The following ASTN2 variants were observed in gnomAD, a reference collection of about 807,000 sequenced individuals.
ASTN2 encodes the protein astrotactin-2.
A neutral mutation model predicts 139.8 loss-of-function variants in ASTN2; 54 were observed. That is an observed-to-expected ratio of 0.39 (90% CI 0.31 to 0.48). The LOEUF (loss-of-function observed/expected upper bound fraction) is 0.48, where lower values mean the gene tolerates loss of function less well. Among genes scored for constraint, ASTN2 ranks in the 20% least tolerant of loss-of-function variants. The pLI, the probability that ASTN2 is intolerant of heterozygous loss-of-function variation, is 0.95. For synonymous variants in ASTN2, 756 were observed against 719.5 expected (o/e 1.05, Z -0.81); for missense variants, 1,565 against 1,725.1 (o/e 0.91, Z 1.64).
chr9:117,170,391 AT>A (rs1830763904), intron 3 of ASTN2, among the ~76,000 whole-genome samples: 1 of 152,096 alleles, frequency 6.6e-6, no homozygotes, highest in Non-Finnish European at 1.5e-5. Flanking sequence ...ATTAATATTG[AT>A]TGAGCACCTG....
chr9:117,145,351 T>G (rs1363599673), intron 3 of ASTN2, among the ~76,000 whole-genome samples: 1 of 152,212 alleles, frequency 6.6e-6, no homozygotes, highest in Non-Finnish European at 1.5e-5. Flanking sequence ...TAGCTTGTGC[T>G]GGCTGTTCTC....
chr9:117,181,018 C>T lies in ASTN2; in HGVS notation c.1015+33340G>A. The T allele has an allele frequency of 1.9e-6, 3 of 1,587,858 alleles. No individual in the cohort carries two copies. The South Asian group carries it at 3.3e-5, about 17-fold the overall frequency. ...GGCACCTCGCATGCCTGTTTGGAGC[C>T]TGCACTGGGGTAGCGCAAGGTCAGA... is the stretch of plus-strand genomic sequence containing the variant. On this transcript the variant is annotated intron_variant, in intron 3 of 22. Coordinates refer to ENST00000313400, the MANE Select transcript of ASTN2 (RefSeq NM_001365068.1).
intron 10 of ASTN2, among the ~76,000 whole-genome samples, chr9:116,943,769 G>T (rs1835302152): frequency 6.6e-6 from 1 of 152,184 alleles, no homozygotes; most frequent in African/African-American, 2.4e-5. Context: ...TGCATGGCCA[G>T]CATGTTCCAT....
intron 10 of ASTN2, among the ~76,000 whole-genome samples, chr9:116,943,605 C>CA (rs1835297764): frequency 6.6e-6 from 1 of 152,124 alleles, no homozygotes; most frequent in Non-Finnish European, 1.5e-5. Context: ...GTTCTGGATG[C>CA]ATGTAGGATT....
chr9:117,285,983 G>T (rs114542243), intron 2 of ASTN2, among the ~76,000 whole-genome samples: 1 of 151,924 alleles, frequency 6.6e-6, no homozygotes, highest in Non-Finnish European at 1.5e-5. Flanking sequence ...AAACAAAAGC[G>T]CCAAGATAAA....
At chr9:117,216,215 T>A (rs189420786) in intron 2 of ASTN2, among the ~76,000 whole-genome samples, 211 of 152,330 alleles carry the variant, frequency 1.4e-3, no homozygotes, top group African/African-American at 5.0e-3. Flanking sequence ...TTTGCTGAAA[T>A]GGGTCAGCCA....
At position 116,426,004 on chromosome 9, in the gene ASTN2, G is replaced by A. The variant is rs751266022; in HGVS notation, c.3867C>T (p.Arg1289=). Residue 1289 remains arginine (R), a synonymous_variant, in exon 23 of 23, where the codon CGC becomes CGT. Transcript: ENST00000313400. ...SLLRSAYIQS[R]VETVPYLFCR... ...AGAAAAGATAGGGCACTGTTTCCAC[G>A]CGGCTCTGGATGTAGGCACTCCGCA... The A allele has an allele frequency of 1.5e-5, 24 of 1,614,152 alleles. No homozygotes were observed. Among genetic ancestry groups the A allele is most frequent in the Admixed American group, 8.3e-5 (5 of 60,028 alleles).
intron 1 of ASTN2, among the ~76,000 whole-genome samples, chr9:117,408,424 G>A (rs931095135): frequency 6.6e-6 from 1 of 152,038 alleles, no homozygotes; most frequent in African/African-American, 2.4e-5. Flanking sequence ...CAAAGTCGAC[G>A]GTTGTGGTGA....
chr9:116,751,025 C>T (rs984144412), intron 13 of ASTN2, among the ~76,000 whole-genome samples: 8 of 152,166 alleles, frequency 5.3e-5, no homozygotes, highest in African/African-American at 1.9e-4. Flanking sequence ...TGCAATCATA[C>T]AGTCATGCTG....
intron 17 of ASTN2, among the ~76,000 whole-genome samples, chr9:116,621,155 C>T (rs1189123719): frequency 3.3e-5 from 5 of 152,074 alleles, no homozygotes; most frequent in African/African-American, 9.7e-5. Flanking sequence ...GTTTCTATAA[C>T]GGGCCAGAGA....
chr9:116,578,005 C>T (rs1447702330), intron 19 of ASTN2, among the ~76,000 whole-genome samples: 2 of 152,080 alleles, frequency 1.3e-5, no homozygotes, highest in Non-Finnish European at 2.9e-5. Context: ...TTATAAACCA[C>T]ACTAAGAAAC....
chr9:117,291,311 C>A lies in ASTN2; in HGVS notation c.630+15G>T, dbSNP rs772589271. On this transcript the variant is annotated intron_variant, in intron 2 of 22. Transcript: ENST00000313400. ...ACGCAATCCCCGACCCCGGTCACAT[C>A]CCCCCATCACTCACCATCACAGAAA... 11 of 1,610,194 alleles carry A rather than the reference C, an allele frequency of 6.8e-6. No individual in the cohort carries two copies. Among genetic ancestry groups the A allele is most frequent in the Non-Finnish European group, 5.9e-6 (7 of 1,178,288 alleles).
chr9:117,094,584 T>C (rs1419253972), intron 5 of ASTN2, among the ~76,000 whole-genome samples: 1 of 151,860 alleles, frequency 6.6e-6, no homozygotes, highest in Non-Finnish European at 1.5e-5. Flanking sequence ...TAAGATCAAG[T>C]GGAGAAAGCT....
chr9:116,488,592 A>G (rs1235549793), intron 19 of ASTN2, among the ~76,000 whole-genome samples: 1 of 152,252 alleles, frequency 6.6e-6, no homozygotes, highest in East Asian at 1.9e-4. Context: ...GCTATTTTAT[A>G]GTCATTAAAA....
intron 20 of ASTN2, among the ~76,000 whole-genome samples, chr9:116,480,108 T>A (rs939457752): frequency 1.4e-5 from 2 of 139,902 alleles, no homozygotes; most frequent in Non-Finnish European, 1.5e-5. Flanking sequence ...GAAGGATGGG[T>A]GAAGAAAGGA....
intron 10 of ASTN2, among the ~76,000 whole-genome samples, chr9:116,949,142 G>A (rs189973894): frequency 9.7e-4 from 147 of 151,710 alleles, no homozygotes; most frequent in Non-Finnish European, 1.7e-3. Flanking sequence ...AATATATCCC[G>A]GCAAACTCTT....
chr9:117,061,196 C>T (rs2132688095), intron 5 of ASTN2, among the ~76,000 whole-genome samples: 1 of 143,646 alleles, frequency 7.0e-6, no homozygotes, highest in Middle Eastern at 3.6e-3. Flanking sequence ...TTAAAGAATG[C>T]CAAGAATTGC....
intron 10 of ASTN2, among the ~76,000 whole-genome samples, chr9:116,946,240 T>C (rs1835391122): frequency 6.6e-6 from 1 of 152,212 alleles, no homozygotes; most frequent in African/African-American, 2.4e-5. Flanking sequence ...AAGCCTTTTA[T>C]GAACATCCCA....
intron 19 of ASTN2, among the ~76,000 whole-genome samples, chr9:116,593,204 T>A (rs1019893796): frequency 2.0e-5 from 3 of 152,146 alleles, no homozygotes; most frequent in African/African-American, 7.2e-5. Flanking sequence ...CAAGGCTGGG[T>A]GCGGTAACAT....
Sources: allele counts gnomAD v4.1 joint callset (sites outside exome capture counted in the v4.1 genomes callset), GRCh38; gene constraint gnomAD v4.1.1; transcripts MANE v1.5; gene names NCBI Gene and HGNC (gene_info 2026-07-23, HGNC 2026-07-21).